The following CNTN1 variants were observed in gnomAD, a reference collection of about 807,000 sequenced individuals.
The protein encoded by CNTN1 is contactin-1.
A neutral mutation model predicts 126.4 loss-of-function variants in CNTN1; 38 were observed. That is an observed-to-expected ratio of 0.30 (90% CI 0.23 to 0.39). The LOEUF (loss-of-function observed/expected upper bound fraction) is 0.39. Ranked by LOEUF, CNTN1 falls within the 10% of genes least tolerant of loss-of-function variation. The pLI, the probability that CNTN1 is intolerant of heterozygous loss-of-function variation, is 1.00. For missense variants in CNTN1, 1,009 were observed against 1,248.4 expected, an observed-to-expected ratio of 0.81 and a Z score of 2.89; for synonymous variants, 413 against 422.6, an observed-to-expected ratio of 0.98 and a Z score of 0.28.
At chr12:40,788,858 A>C (rs1940123719) in intron 1 of CNTN1, among the ~76,000 whole-genome samples, 1 of 152,094 alleles carries the variant, frequency 6.6e-6, no homozygotes, top group African/African-American at 2.4e-5. Flanking sequence ...TATTGTTAGG[A>C]TTAATGAGAT....
At chr12:40,703,036 A>T (rs1941642155) in intron 1 of CNTN1, among the ~76,000 whole-genome samples, 1 of 152,128 alleles carries the variant, frequency 6.6e-6, no homozygotes, top group East Asian at 1.9e-4. Context: ...TTTTTTACAG[A>T]TTATTGATAT....
chr12:40,888,610 A>C (rs935568273), intron 1 of CNTN1, among the ~76,000 whole-genome samples: 1 of 149,526 alleles, frequency 6.7e-6, no homozygotes, highest in Non-Finnish European at 1.5e-5. Flanking sequence ...TGTGATTAAC[A>C]ACAACAACAA....
rs1939166938 is a variant in CNTN1 at position 40,767,617 on chromosome 12, TTTG to T, written c.-77+75028_-77+75030del. 1.5e-3 allele frequency among the ~76,000 whole-genome samples: 37 copies of T among 24,618 alleles called. 1 individual carries two copies. The highest frequency in any genetic ancestry group is 4.5e-3 in the African/African-American group (28 of 6,208). The allele number at this position is 24,618 out of a possible 152,430, so 16.2% of individuals were successfully genotyped here. On this transcript the variant is annotated intron_variant, in intron 1 of 23. Coordinates refer to ENST00000551295, the MANE Select transcript of CNTN1 (RefSeq NM_001843.4). ...GCCACGGCTCCTGGCCCTTTTTTTGTTTGTTTGTTTGTTTGTTTGTTTGTTTGT... is the reference window on the plus strand; with the variant it reads ...GCCACGGCTCCTGGCCCTTTTTTTGTTTTGTTTGTTTGTTTGTTTGTTTGT...
intron 1 of CNTN1, among the ~76,000 whole-genome samples, chr12:40,829,635 C>T (rs369645361): frequency 3.9e-5 from 6 of 151,976 alleles, no homozygotes; most frequent in Non-Finnish European, 7.4e-5. Flanking sequence ...GTGTTGTGCA[C>T]AGAACTCCCA....
intron 15 of CNTN1, among the ~76,000 whole-genome samples, chr12:40,968,578 AAAAAT>A (rs1474749727): frequency 1.3e-5 from 2 of 152,168 alleles, no homozygotes; most frequent in Non-Finnish European, 2.9e-5. Context: ...TCATACAGTT[AAAAAT>A]AGTTCATTCA....
chr12:40,960,536 C>T (rs1947068445), intron 15 of CNTN1, among the ~76,000 whole-genome samples: 1 of 152,022 alleles, frequency 6.6e-6, no homozygotes, highest in Admixed American at 6.6e-5. Flanking sequence ...TGGGCAAATG[C>T]TGAAAACTCT....
chr12:40,863,789 C>A (rs1943193532), intron 1 of CNTN1, among the ~76,000 whole-genome samples: 2 of 151,974 alleles, frequency 1.3e-5, no homozygotes, highest in South Asian at 4.1e-4. Flanking sequence ...ATCCTGAAAT[C>A]ATTCCTTCTC....
intron 1 of CNTN1, among the ~76,000 whole-genome samples, chr12:40,763,660 TG>T (rs1052508363): frequency 6.6e-6 from 1 of 152,134 alleles, no homozygotes; most frequent in African/African-American, 2.4e-5. Context: ...TTAAAGTATT[TG>T]GGTCTTTGTC....
chr12:40,890,003 C>T (rs552026489), intron 1 of CNTN1, among the ~76,000 whole-genome samples: 20 of 151,910 alleles, frequency 1.3e-4, no homozygotes, highest in Non-Finnish European at 2.4e-4. Context: ...CCTATCCATG[C>T]GATATTAATC....
intron 9 of CNTN1, among the ~76,000 whole-genome samples, chr12:40,934,580 A>C (rs1029057968): frequency 2.6e-5 from 4 of 151,960 alleles, no homozygotes; most frequent in Non-Finnish European, 5.9e-5. Flanking sequence ...CACAACATGA[A>C]CTTTGCAGGT....
In CNTN1 at chr12:40,881,319, T is replaced by C. The variant is rs559009016; in HGVS notation, c.-76-27038T>C. 1.6e-4 allele frequency among the ~76,000 whole-genome samples: 25 copies of C among 152,006 alleles called. No homozygotes were observed. The South Asian group carries it at 5.0e-3, about 30-fold the overall frequency. ...ATAAATTGTGTGAATTTGAGCTATA[T>C]ACATAAACTGGAATGGAAAGGGTGA... On this transcript the variant is annotated intron_variant, in intron 1 of 23. Coordinates refer to ENST00000551295, the MANE Select transcript of CNTN1 (RefSeq NM_001843.4).
intron 1 of CNTN1, among the ~76,000 whole-genome samples, chr12:40,897,690 C>T (rs942854963): frequency 6.6e-6 from 1 of 151,964 alleles, no homozygotes; most frequent in Non-Finnish European, 1.5e-5. Flanking sequence ...TCTGTATAGC[C>T]CAAGACCGTG....
intron 1 of CNTN1, among the ~76,000 whole-genome samples, chr12:40,902,453 T>C (rs1001935247): frequency 6.6e-6 from 1 of 152,192 alleles, no homozygotes; most frequent in African/African-American, 2.4e-5. Context: ...TAGAACTTTG[T>C]AGTGAATGTT....
At chr12:40,776,216 A>C (rs555393435) in intron 1 of CNTN1, among the ~76,000 whole-genome samples, 76 of 151,762 alleles carry the variant, frequency 5.0e-4, no homozygotes, top group African/African-American at 1.8e-3. Flanking sequence ...CTCATTACTG[A>C]GTATAGAATT....
chr12:40,907,324 C>A (rs1205729625), intron 1 of CNTN1, among the ~76,000 whole-genome samples: 1 of 152,246 alleles, frequency 6.6e-6, no homozygotes, highest in Non-Finnish European at 1.5e-5. Context: ...CAGGTCCACA[C>A]AACTATGTCA....
intron 1 of CNTN1, among the ~76,000 whole-genome samples, chr12:40,886,095 A>G (rs1490011273): frequency 1.3e-5 from 2 of 151,940 alleles, no homozygotes; most frequent in Admixed American, 1.3e-4. Context: ...ATTTAAATCC[A>G]TTTTCTTTGA....
chr12:40,966,365 C>T (rs1463424157), intron 15 of CNTN1, among the ~76,000 whole-genome samples: 2 of 151,992 alleles, frequency 1.3e-5, no homozygotes, highest in Admixed American at 1.3e-4. Context: ...CCCCACTCTG[C>T]ACTAACCACA....
intron 15 of CNTN1, among the ~76,000 whole-genome samples, chr12:40,960,700 A>G (rs1167749129): frequency 6.6e-6 from 1 of 152,066 alleles, no homozygotes; most frequent in African/African-American, 2.4e-5. Context: ...AACAAAATTC[A>G]TTTAGGTTCA....
intron 1 of CNTN1, among the ~76,000 whole-genome samples, chr12:40,713,875 T>A (rs747777407): frequency 3.9e-5 from 6 of 152,114 alleles, no homozygotes; most frequent in Non-Finnish European, 5.9e-5. Flanking sequence ...AAATCTATTG[T>A]TTAATGACAG....
Sources: gnomAD v4.1 joint callset for allele counts (sites outside exome capture counted in the v4.1 genomes callset) on GRCh38, gnomAD v4.1.1 for gene constraint, MANE v1.5 for transcripts, NCBI Gene and HGNC (gene_info 2026-07-23, HGNC 2026-07-21) for gene names.